The following USP44 variants were observed in gnomAD, a reference collection of about 807,000 sequenced individuals.
The protein encoded by USP44 is ubiquitin specific peptidase 44.
In USP44, 61 loss-of-function variants were observed where a neutral mutation model predicts 69.0. The observed-to-expected ratio is 0.88, with a 90% CI of 0.72 to 1.09. The LOEUF (loss-of-function observed/expected upper bound fraction) is 1.09, where lower values mean the gene tolerates loss of function less well. USP44 is among the 50% of genes least tolerant of loss of function. The probability of loss-of-function intolerance (pLI) is 0.00; values close to 1 mark genes in which losing one functional copy is unlikely to be tolerated. For missense variants in USP44, 753 were observed against 849.9 expected (o/e 0.89, Z 1.42); for synonymous variants, 297 against 295.4 (o/e 1.01, Z -0.06).
intron 1 of USP44, among the ~76,000 whole-genome samples, chr12:95,542,161 A>G: frequency 6.6e-6 from 1 of 152,184 alleles, no homozygotes; most frequent in African/African-American, 2.4e-5. Context: ...GATTATAGGC[A>G]TGAGACACTA....
rs1197647572 is a variant in USP44 at position 95,548,906 on chromosome 12, CCTGCGCCGGCT to C, written c.-71+2355_-71+2365del. ...CCCCGCCCCCTCCCACAGCCCCACCCCTGCGCCGGCTCTTCGCGGGCACCGAGAACCTGCCG... is the reference window on the plus strand; with the variant it reads ...CCCCGCCCCCTCCCACAGCCCCACCCCTTCGCGGGCACCGAGAACCTGCCG... On this transcript the variant is annotated intron_variant, in intron 1 of 5. Coordinates refer to ENST00000258499, the MANE Select transcript of USP44 (RefSeq NM_032147.5). This position sits in a 1 kb window ranked among gnomAD's most constrained non-coding sequence, Gnocchi z 4.1. 4 of 152,130 alleles carry C rather than the reference CCTGCGCCGGCT, an allele frequency of 2.6e-5. No homozygotes were observed. The highest frequency in any genetic ancestry group is 9.6e-5 in the African/African-American group (4 of 41,452). The allele number at this position is 152,130 out of a possible 1,614,324, so 9.4% of individuals were successfully genotyped here. A position where few individuals can be genotyped will look rare whatever the true frequency, so the allele number is the denominator to read the frequency against.
In USP44 at chr12:95,534,180, T is replaced by A; in HGVS notation, c.77A>T (p.Lys26Ile). 1 of 1,614,090 alleles carries A rather than the reference T, an allele frequency of 6.2e-7. No individual in the cohort carries two copies. The highest frequency in any genetic ancestry group is 1.3e-5 in the African/African-American group (1 of 75,006). ...CGTGTTGCAGTCCACACAGTGCCATTTCTGAGGGTTGAGGCTGGAATGGTC... is the reference window on the plus strand; with the variant it reads ...CGTGTTGCAGTCCACACAGTGCCATATCTGAGGGTTGAGGCTGGAATGGTC... ...AQDHSSLNPQ[K>I]WHCVDCNTTE... Residue 26 changes from lysine to isoleucine, a missense_variant, in exon 2 of 6, where the codon AAA becomes ATA. By Grantham distance (102) the Lys-to-Ile change is moderately radical. Transcript: ENST00000258499.
chr12:95,527,243 C>T (rs898425547), intron 3 of USP44, among the ~76,000 whole-genome samples: 5 of 151,780 alleles, frequency 3.3e-5, no homozygotes, highest in South Asian at 4.2e-4. Context: ...TACAGGCGCA[C>T]GCCACCATGC....
intron 1 of USP44, among the ~76,000 whole-genome samples, chr12:95,547,306 C>T (rs2077604185): frequency 6.6e-6 from 1 of 152,100 alleles, no homozygotes; most frequent in South Asian, 2.1e-4. Flanking sequence ...AAATACTGGA[C>T]TGAAAAATCT....
chr12:95,543,990 GA>G (rs1346833098), intron 1 of USP44, among the ~76,000 whole-genome samples: 78 of 96,750 alleles, frequency 8.1e-4, no homozygotes, highest in Non-Finnish European at 1.2e-3. Context: ...AAAAAAAAAA[GA>G]AAAAAACCCA....
At position 95,521,168 on chromosome 12, in the gene USP44, C is replaced by A; in HGVS notation, c.1768G>T (p.Val590Phe). The change falls in exon 5 of 6, where the codon GTT becomes TTT. Residue 590 changes from valine (V) to phenylalanine (F), a missense_variant. Transcript: ENST00000258499. The stretch of plus-strand genomic sequence containing the variant: ...AAGATTTCCTCAAAGCCAACATGAA[C>A]ACCAATCTTCTCTCGGTTATTACGT... ...SGRNNREKIGVHVGFEEILNM... is the reference protein window; with the variant it reads ...SGRNNREKIGFHVGFEEILNM... 6.2e-7 allele frequency: 1 copy of A among 1,614,154 alleles called. No homozygotes were observed. Among genetic ancestry groups the A allele is most frequent in the South Asian group, 1.1e-5 (1 of 91,074 alleles).
intron 1 of USP44, among the ~76,000 whole-genome samples, chr12:95,542,324 C>G (rs1592740018): frequency 2.6e-5 from 4 of 152,122 alleles, no homozygotes; most frequent in African/African-American, 9.7e-5. Context: ...AAGACTATAT[C>G]CCAAACATCA....
chr12:95,542,970 C>T (rs930316870), intron 1 of USP44, among the ~76,000 whole-genome samples: 13 of 151,498 alleles, frequency 8.6e-5, no homozygotes, highest in African/African-American at 3.1e-4. Context: ...CGCCTGTAGT[C>T]CCAGCTACTC....
chr12:95,539,366 C>A (rs1408963314), intron 1 of USP44, among the ~76,000 whole-genome samples: 1 of 152,038 alleles, frequency 6.6e-6, no homozygotes, highest in Non-Finnish European at 1.5e-5. Flanking sequence ...GCTGGGACTA[C>A]AGGCGCCTGC....
chr12:95,530,213 C>A (rs2140274260), intron 2 of USP44, among the ~76,000 whole-genome samples: 1 of 152,304 alleles, frequency 6.6e-6, no homozygotes, highest in Non-Finnish European at 1.5e-5. Flanking sequence ...CAAATTGACA[C>A]AAAGAACTCT....
At chr12:95,521,416 T>G (rs1349666440) in intron 4 of USP44, among the ~76,000 whole-genome samples, 1 of 152,204 alleles carries the variant, frequency 6.6e-6, no homozygotes, top group Non-Finnish European at 1.5e-5. Flanking sequence ...GAAAAAAAAA[T>G]TTAACTTTTG....
intron 5 of USP44, among the ~76,000 whole-genome samples, chr12:95,519,003 T>G (rs301024): frequency 0.078 from 11,857 of 152,136 alleles, 660 homozygotes; most frequent in Non-Finnish European, 0.12. Flanking sequence ...TGAACACATT[T>G]TTTTCCACTG....
At chr12:95,546,479 A>C (rs569087470) in intron 1 of USP44, 1 of 152,290 alleles carries the variant, frequency 6.6e-6, no homozygotes, top group Admixed American at 6.5e-5. Flanking sequence ...CCTGTATTTC[A>C]GTTATTTGTC....
chr12:95,524,850 T>A (rs2076785106), intron 3 of USP44, 62 bp from the exon 4 acceptor site: 1 of 1,412,454 alleles, frequency 7.1e-7, no homozygotes, highest in Non-Finnish European at 9.8e-7. Context: ...AAAAGCTGAG[T>A]GAACCTTCTT....
chr12:95,540,559 C>G (rs918341005), intron 1 of USP44, among the ~76,000 whole-genome samples: 1 of 152,092 alleles, frequency 6.6e-6, no homozygotes, highest in Non-Finnish European at 1.5e-5. Flanking sequence ...CCAGGCTGGT[C>G]TCAAACTCCT....
chr12:95,529,187 T>C (rs2076944198), intron 2 of USP44, among the ~76,000 whole-genome samples, 185 bp from the exon 3 acceptor site: 1 of 152,206 alleles, frequency 6.6e-6, no homozygotes, highest in Non-Finnish European at 1.5e-5. Flanking sequence ...CAAAAGATTG[T>C]TATCAGAGCC....
rs1010200053 is a variant in USP44 at position 95,533,266 on chromosome 12, C to T, written c.991G>A (p.Val331Ile). 1 of 1,614,132 alleles carries T rather than the reference C, an allele frequency of 6.2e-7. No individual in the cohort carries two copies. The highest frequency in any genetic ancestry group is 1.3e-5 in the African/African-American group (1 of 75,044). ...TCCTGACATTCATTCATTTGATATACTACTGTATCTGTGACTGGTGGATGC... is the reference window on the plus strand; with the variant it reads ...TCCTGACATTCATTCATTTGATATATTACTGTATCTGTGACTGGTGGATGC... ...CKHPPVTDTV[V>I]YQMNECQEKD... The change falls in exon 2 of 6, where the codon GTA becomes ATA. Residue 331 changes from valine (V) to isoleucine (I), a missense_variant. By Grantham distance (29) the Val-to-Ile change is conservative. Coordinates refer to ENST00000258499, the MANE Select transcript of USP44 (RefSeq NM_032147.5).
rs949079845 is a variant in USP44 at position 95,517,689 on chromosome 12, G to C, written c.*465C>G. On this transcript the variant is annotated 3_prime_UTR_variant, in exon 6 of 6. Transcript: ENST00000258499. ...AGTGAGTGTGACTGAAGAATATTTA[G>C]GTGATACCTTGACATGTCACTTCAA... The C allele has an allele frequency of 6.5e-6, 1 of 154,512 alleles. No homozygotes were observed. 9.6% of individuals were successfully genotyped at this position (154,512 alleles called of 1,614,324 possible). A position where few individuals can be genotyped will look rare whatever the true frequency, so the allele number is the denominator to read the frequency against.
At position 95,522,103 on chromosome 12, in the gene USP44, CATA is replaced by C. The variant is rs1264077692; in HGVS notation, c.1734-904_1734-902del. Reference sequence around the variant, plus strand: ...GGCAAGCAATGTGTTTATCAATATGCATAATGAGTTGGTGCTACGAGGGGAAAA... The same window carrying C: ...GGCAAGCAATGTGTTTATCAATATGCATGAGTTGGTGCTACGAGGGGAAAA... On this transcript the variant is annotated intron_variant, in intron 4 of 5. Coordinates refer to ENST00000258499, the MANE Select transcript of USP44 (RefSeq NM_032147.5). 8 of 985,194 alleles carry C rather than the reference CATA, an allele frequency of 8.1e-6. No homozygotes were observed. The East Asian group carries it at 5.7e-4, about 70-fold the overall frequency. The allele number at this position is 985,194 out of a possible 1,614,324, so 61.0% of individuals were successfully genotyped here.
Sources: allele counts gnomAD v4.1 joint callset (sites outside exome capture counted in the v4.1 genomes callset), GRCh38; gene constraint gnomAD v4.1.1; non-coding constraint Gnocchi (gnomAD v3.1); transcripts MANE v1.5; gene names NCBI Gene and HGNC (gene_info 2026-07-23, HGNC 2026-07-21).